WDR27: variants seen among roughly 807,000 people sequenced by gnomAD.
WDR27 encodes the protein WD repeat domain 27, also known as WD repeat-containing protein 27.
In WDR27, 100 loss-of-function variants were observed where a neutral mutation model predicts 114.4. The observed-to-expected ratio is 0.87, with a 90% CI of 0.74 to 1.03. The LOEUF is 1.03. Ranked by LOEUF, WDR27 falls within the 50% of genes least tolerant of loss-of-function variation. The probability of loss-of-function intolerance (pLI) is 0.00; values close to 1 mark genes in which losing one functional copy is unlikely to be tolerated. For missense variants in WDR27, 1,129 were observed against 1,092.9 expected, an observed-to-expected ratio of 1.03 and a Z score of -0.47; for synonymous variants, 449 against 423.1, an observed-to-expected ratio of 1.06 and a Z score of -0.75.
chr6:169,621,234 A>G (rs1209110576), intron 21 of WDR27, among the ~76,000 whole-genome samples: 1 of 152,122 alleles, frequency 6.6e-6, no homozygotes, highest in Non-Finnish European at 1.5e-5. Flanking sequence ...ACACATGCAC[A>G]CAGGCATATA....
chr6:169,685,185 G>A (rs538490833), intron 2 of WDR27, among the ~76,000 whole-genome samples: 102 of 151,780 alleles, frequency 6.7e-4, no homozygotes, highest in South Asian at 2.7e-3. Flanking sequence ...CCTATGAAAC[G>A]TGCTCCATAT....
In WDR27 at chr6:169,483,188, G is replaced by T. The variant is rs183396437; in HGVS notation, c.2646-25554C>A. ...AAGACAAGAAATAACCAAAATCAGAGCTGAACTGAAGGAGATTGAGACACA... is the reference window on the plus strand; with the variant it reads ...AAGACAAGAAATAACCAAAATCAGATCTGAACTGAAGGAGATTGAGACACA... On this transcript the variant is annotated intron_variant, in intron 25 of 25. Coordinates refer to ENST00000448612, the MANE Select transcript of WDR27 (RefSeq NM_182552.5). Among the ~76,000 whole-genome samples the T allele has an allele frequency of 7.2e-5, 11 of 152,226 alleles. No homozygotes were observed. The South Asian group carries it at 2.1e-3, about 29-fold the overall frequency.
the WDR27 span, among the ~76,000 whole-genome samples, chr6:169,435,259 C>G: frequency 6.6e-6 from 1 of 152,236 alleles, no homozygotes; most frequent in Non-Finnish European, 1.5e-5. Flanking sequence ...GTGGGAGCCC[C>G]ACGGAGAACC....
intron 21 of WDR27, among the ~76,000 whole-genome samples, chr6:169,626,955 T>A (rs1463183867): frequency 2.0e-5 from 3 of 152,188 alleles, no homozygotes; most frequent in Non-Finnish European, 4.4e-5. Context: ...GAGTCCTCAC[T>A]GTAACAGATC....
intron 2 of WDR27, among the ~76,000 whole-genome samples, chr6:169,677,732 G>GA (rs1388305282): frequency 1.3e-5 from 2 of 152,252 alleles, no homozygotes; most frequent in Admixed American, 1.3e-4. Flanking sequence ...AGTCTAGGAG[G>GA]AAAGAATGGT....
intron 21 of WDR27, among the ~76,000 whole-genome samples, chr6:169,632,291 C>A (rs57099773): frequency 0.038 from 5,788 of 152,142 alleles, 379 homozygotes; most frequent in African/African-American, 0.13. Flanking sequence ...AAATGATACC[C>A]TGAATCATGA....
intron 25 of WDR27, among the ~76,000 whole-genome samples, chr6:169,500,590 G>A (rs1340778293): frequency 6.6e-6 from 1 of 152,168 alleles, no homozygotes; most frequent in African/African-American, 2.4e-5. Flanking sequence ...CAGGTAGTGC[G>A]CGTGAGTGCT....
chr6:169,689,293 C>T (rs376999960), intron 1 of WDR27: 2 of 259,126 alleles, frequency 7.7e-6, no homozygotes, highest in Non-Finnish European at 1.5e-5. Context: ...TAGGCTTCCT[C>T]GATCAGCTTC....
chr6:169,632,850 GCAAA>G, intron 21 of WDR27, 93 bp downstream of exon 21: 1 of 1,165,750 alleles, frequency 8.6e-7, no homozygotes. Context: ...GAATTTGGTA[GCAAA>G]CACTTATAAA....
intron 2 of WDR27, among the ~76,000 whole-genome samples, chr6:169,687,041 G>C (rs1259895786): frequency 6.6e-6 from 1 of 152,060 alleles, no homozygotes. Context: ...AATACAGTTA[G>C]ATAGTAAGAA....
Position 169,618,344 on chromosome 6 carries a change from T to C in WDR27, c.2224-4688A>G, listed in dbSNP as rs1023358795. ...ATTCAGAGGCAGGCAAAGAGTAGTA[T>C]CCTATCAAGTTTTAAAAATATATAA... is the stretch of plus-strand genomic sequence containing the variant. On this transcript the variant is annotated intron_variant, in intron 21 of 25. Coordinates refer to ENST00000448612, the MANE Select transcript of WDR27 (RefSeq NM_182552.5). 2.6e-5 allele frequency among the ~76,000 whole-genome samples: 4 copies of C among 152,154 alleles called. No individual in the cohort carries two copies. The East Asian group carries it at 7.7e-4, about 29-fold the overall frequency.
chr6:169,628,594 G>A (rs890144111), intron 21 of WDR27, among the ~76,000 whole-genome samples: 2 of 152,174 alleles, frequency 1.3e-5, no homozygotes, highest in African/African-American at 4.8e-5. Flanking sequence ...CTAACAGTAT[G>A]TGAGAATGGG....
chr6:169,692,309 G>A (rs1359226912), intron 1 of WDR27, among the ~76,000 whole-genome samples: 1 of 152,188 alleles, frequency 6.6e-6, no homozygotes, highest in Non-Finnish European at 1.5e-5. Context: ...GAGGTCATAG[G>A]GTGAAAGAAG....
In WDR27 at chr6:169,668,146, T is replaced by C; in HGVS notation, c.496A>G (p.Asn166Asp). ...GGTGGTGGGACTTTGTGGCGGTTAT[T>C]AACATCAGGACGTTCTATGTATGTC... is the stretch of plus-strand genomic sequence containing the variant. ...SVTYIERPDV[N>D]NRHKVPPPTF... The change falls in exon 5 of 26, where the codon AAT (asparagine) becomes GAT (aspartate). Residue 166 changes from asparagine to aspartate, a missense_variant. Asn to Asp is a conservative substitution (Grantham distance 23). Coordinates refer to ENST00000448612, the MANE Select transcript of WDR27 (RefSeq NM_182552.5). 1 of 1,614,048 alleles carries C rather than the reference T, an allele frequency of 6.2e-7. No homozygotes were observed.
Position 169,659,930 on chromosome 6 carries a change from C to T in WDR27, c.1130-412G>A, listed in dbSNP as rs1043009777. The stretch of plus-strand genomic sequence containing the variant: ...TGCGCCTGGCTGAGCTGGGGAGGGG[C>T]AGGGATGGGCGGCTGAAGGGAAGGG... On this transcript the variant is annotated intron_variant, in intron 10 of 25. Coordinates refer to ENST00000448612, the MANE Select transcript of WDR27 (RefSeq NM_182552.5). The surrounding 1 kb of genome is among the most constrained non-coding windows in gnomAD (Gnocchi z 4.3). 4.6e-5 allele frequency among the ~76,000 whole-genome samples: 7 copies of T among 151,774 alleles called. No individual in the cohort carries two copies. Among genetic ancestry groups the T allele is most frequent in the South Asian group, 2.1e-4 (1 of 4,788 alleles).
At chr6:169,471,420 A>G (rs949340319) in intron 25 of WDR27, among the ~76,000 whole-genome samples, 1 of 152,090 alleles carries the variant, frequency 6.6e-6, no homozygotes, top group Non-Finnish European at 1.5e-5. Flanking sequence ...AGAGTAGTAG[A>G]TTTTATTTTT....
the WDR27 span, among the ~76,000 whole-genome samples, chr6:169,438,502 G>T: frequency 6.6e-6 from 1 of 152,136 alleles, no homozygotes; most frequent in Non-Finnish European, 1.5e-5. Flanking sequence ...CTCCCAAAGT[G>T]CTGGGATTAC....
intron 1 of WDR27, among the ~76,000 whole-genome samples, chr6:169,693,414 A>C (rs1430728333): frequency 6.6e-6 from 1 of 152,240 alleles, no homozygotes; most frequent in Non-Finnish European, 1.5e-5. Context: ...AGGCCCTTAA[A>C]CAATAACACA....
intron 25 of WDR27, among the ~76,000 whole-genome samples, chr6:169,570,694 TGGCG>T (rs1801256076): frequency 6.6e-6 from 1 of 152,154 alleles, no homozygotes; most frequent in African/African-American, 2.4e-5. Flanking sequence ...CCAGGCGTGG[TGGCG>T]GGCACCTGTA....
Sources: gnomAD v4.1 joint callset for allele counts (sites outside exome capture counted in the v4.1 genomes callset) on GRCh38, gnomAD v4.1.1 for gene constraint, Gnocchi (gnomAD v3.1) non-coding constraint, MANE v1.5 for transcripts, NCBI Gene and HGNC (gene_info 2026-07-23, HGNC 2026-07-21) for gene names.